The following KCNT2 variants were observed in gnomAD, a reference collection of about 807,000 sequenced individuals.
The protein encoded by KCNT2 is potassium sodium-activated channel subfamily T member 2.
A neutral mutation model predicts 153.8 loss-of-function variants in KCNT2; 67 were observed. The observed-to-expected ratio is 0.44, with a 90% confidence interval of 0.36 to 0.53. The LOEUF (loss-of-function observed/expected upper bound fraction) is 0.53. Among genes scored for constraint, KCNT2 ranks in the 20% least tolerant of loss-of-function variants. The pLI is 0.00. For missense variants in KCNT2, 975 were observed against 1,354.8 expected (o/e 0.72, Z 4.40); for synonymous variants, 500 against 458.8 (o/e 1.09, Z -1.15).
chr1:196,588,882 A>G (rs956896982), intron 1 of KCNT2, among the ~76,000 whole-genome samples: 34 of 152,072 alleles, frequency 2.2e-4, no homozygotes, highest in Middle Eastern at 3.4e-3. Context: ...ATTCCTCAAC[A>G]GGGTAATTTC....
At chr1:196,333,078 C>T (rs901422247) in intron 17 of KCNT2, among the ~76,000 whole-genome samples, 3 of 151,340 alleles carry the variant, frequency 2.0e-5, no homozygotes, top group African/African-American at 4.9e-5. Flanking sequence ...GTGTGAGCCA[C>T]TGTGCCCAGC....
chr1:196,305,009 T>C (rs1057253749), intron 22 of KCNT2, among the ~76,000 whole-genome samples: 5 of 152,154 alleles, frequency 3.3e-5, no homozygotes, highest in African/African-American at 1.2e-4. Flanking sequence ...TACTTAATAA[T>C]AATAGAACAA....
In KCNT2 at chr1:196,319,525, A is replaced by G; in HGVS notation, c.2307T>C (p.Cys769=). The G allele has an allele frequency of 1.9e-6, 3 of 1,610,312 alleles. No individual in the cohort carries two copies. Among genetic ancestry groups the G allele is most frequent in the South Asian group, 1.1e-5 (1 of 90,926 alleles). Residue 769 remains cysteine, a synonymous_variant, in exon 20 of 28, where the codon TGT becomes TGC. Coordinates refer to ENST00000294725, the MANE Select transcript of KCNT2 (RefSeq NM_198503.5). ...PPDMHFLDAI[C]WFPMVYYMVG... ...CCATGTAGTAAACCATTGGAAACCA[A>G]CAGATTGCATCCAGAAAATGCATAT...
chr1:196,353,750 T>G (rs1234802556), intron 14 of KCNT2, among the ~76,000 whole-genome samples: 1 of 152,022 alleles, frequency 6.6e-6, no homozygotes, highest in African/African-American at 2.4e-5. Context: ...ATAAGGGCTG[T>G]TAGCTAATAA....
intron 23 of KCNT2, among the ~76,000 whole-genome samples, chr1:196,285,329 T>A (rs892416323): frequency 2.6e-5 from 4 of 152,224 alleles, no homozygotes; most frequent in Non-Finnish European, 4.4e-5. Flanking sequence ...TGGTAATTTT[T>A]TTTTACCTTT....
At chr1:196,382,901 T>C (rs1424388677) in intron 13 of KCNT2, among the ~76,000 whole-genome samples, 2 of 152,244 alleles carry the variant, frequency 1.3e-5, no homozygotes, top group East Asian at 1.9e-4. Flanking sequence ...CTGAGTATTA[T>C]TGTTTTTCCA....
intron 26 of KCNT2, among the ~76,000 whole-genome samples, chr1:196,248,596 T>C (rs1218891459): frequency 6.6e-6 from 1 of 151,992 alleles, no homozygotes; most frequent in Non-Finnish European, 1.5e-5. Context: ...GATTGAAACA[T>C]GAAGAAATCC....
At chr1:196,484,820 G>A (rs185670108) in intron 3 of KCNT2, among the ~76,000 whole-genome samples, 136 of 152,132 alleles carry the variant, frequency 8.9e-4, no homozygotes, top group African/African-American at 3.1e-3. Context: ...AGATGCTGGA[G>A]AATTAGGAAC....
At position 196,474,491 on chromosome 1, in the gene KCNT2, T is replaced by C. The variant is rs905886817; in HGVS notation, c.384+4688A>G. On this transcript the variant is annotated intron_variant, in intron 5 of 27. Coordinates refer to ENST00000294725, the MANE Select transcript of KCNT2 (RefSeq NM_198503.5). Reference sequence around the variant, plus strand: ...AGAACAAGATAAGCAGAATCAACAGTATCTGGTATTCAGGAGTCCTGGACT... The same window carrying C: ...AGAACAAGATAAGCAGAATCAACAGCATCTGGTATTCAGGAGTCCTGGACT... 4.6e-5 allele frequency among the ~76,000 whole-genome samples: 7 copies of C among 152,204 alleles called. No homozygotes were observed. The East Asian group carries it at 1.3e-3, about 29-fold the overall frequency.
intron 8 of KCNT2, among the ~76,000 whole-genome samples, chr1:196,444,642 A>G (rs1345385373): frequency 6.6e-6 from 1 of 151,468 alleles, no homozygotes; most frequent in Non-Finnish European, 1.5e-5. Context: ...CGAGTAGGGC[A>G]AATGTGAATA....
chr1:196,453,366 T>C (rs1053018785), intron 8 of KCNT2, among the ~76,000 whole-genome samples: 1 of 151,900 alleles, frequency 6.6e-6, no homozygotes, highest in South Asian at 2.1e-4. Flanking sequence ...AGTCAGTGAT[T>C]GTGTGGCTTG....
At chr1:196,543,110 G>A (rs1656607198) in intron 1 of KCNT2, among the ~76,000 whole-genome samples, 1 of 152,094 alleles carries the variant, frequency 6.6e-6, no homozygotes, top group Admixed American at 6.6e-5. Context: ...TTAAAATATA[G>A]TTGTGGTAGT....
intron 1 of KCNT2, among the ~76,000 whole-genome samples, chr1:196,542,358 C>T (rs957645613): frequency 6.6e-6 from 1 of 152,090 alleles, no homozygotes; most frequent in Admixed American, 6.6e-5. Context: ...GGTGACACTG[C>T]ATCTATGGAC....
chr1:196,482,397 A>T lies in KCNT2; in HGVS notation c.276-18T>A, dbSNP rs1461591273. 7.1e-7 allele frequency: 1 copy of T among 1,399,308 alleles called. No homozygotes were observed. The highest frequency in any genetic ancestry group is 9.7e-7 in the Non-Finnish European group (1 of 1,028,696). 86.7% of individuals were successfully genotyped at this position (1,399,308 alleles called of 1,614,324 possible). A position where few individuals can be genotyped will look rare whatever the true frequency, so the allele number is the denominator to read the frequency against. On this transcript the variant is annotated intron_variant, in intron 3 of 27. Coordinates refer to ENST00000294725, the MANE Select transcript of KCNT2 (RefSeq NM_198503.5). The stretch of plus-strand genomic sequence containing the variant: ...TATGAGACCTATAAAAAGAATAATA[A>T]TAAGTTAGTTTTTTAAAATATGAAA...
At chr1:196,252,683 TG>T (rs1391201697) in intron 26 of KCNT2, among the ~76,000 whole-genome samples, 1 of 151,682 alleles carries the variant, frequency 6.6e-6, no homozygotes, top group Non-Finnish European at 1.5e-5. Flanking sequence ...ATTTACTATT[TG>T]GTCTAGATCC....
At chr1:196,362,197 C>A (rs562960457) in intron 14 of KCNT2, among the ~76,000 whole-genome samples, 1 of 152,188 alleles carries the variant, frequency 6.6e-6, no homozygotes, top group Non-Finnish European at 1.5e-5. Flanking sequence ...CTCCTCCTCC[C>A]TCATGACCGC....
intron 8 of KCNT2, among the ~76,000 whole-genome samples, chr1:196,436,412 C>T (rs2148568139): frequency 1.3e-5 from 2 of 151,512 alleles, no homozygotes; most frequent in East Asian, 3.9e-4. Context: ...TGATTGTTAC[C>T]TATATGTTAT....
At chr1:196,407,659 A>G (rs957892648) in intron 12 of KCNT2, among the ~76,000 whole-genome samples, 1 of 151,508 alleles carries the variant, frequency 6.6e-6, no homozygotes, top group Non-Finnish European at 1.5e-5. Flanking sequence ...CTTCCACAGC[A>G]AACATTTTAT....
intron 12 of KCNT2, among the ~76,000 whole-genome samples, chr1:196,408,054 C>T (rs541250602): frequency 6.6e-5 from 10 of 151,548 alleles, no homozygotes; most frequent in African/African-American, 2.4e-4. Flanking sequence ...TGAATCTTCT[C>T]TGTGCCACTT....
Sources: allele counts gnomAD v4.1 joint callset (sites outside exome capture counted in the v4.1 genomes callset), GRCh38; gene constraint gnomAD v4.1.1; transcripts MANE v1.5; gene names NCBI Gene and HGNC (gene_info 2026-07-23, HGNC 2026-07-21).